The following TNS1 variants were observed in gnomAD, a reference collection of about 807,000 sequenced individuals.
TNS1 encodes tensin-1.
A neutral mutation model predicts 168.6 loss-of-function variants in TNS1; 62 were observed. The ratio of observed to expected loss-of-function variants is 0.37; its 90% CI spans 0.30 to 0.45. The LOEUF is 0.45. Among genes scored for constraint, TNS1 ranks in the 20% least tolerant of loss-of-function variants. The pLI, the probability that TNS1 is intolerant of heterozygous loss-of-function variation, is 1.00. For synonymous variants in TNS1, 934 were observed against 933.2 expected (o/e 1.00, Z -0.02); for missense variants, 2,240 against 2,339.4 (o/e 0.96, Z 0.88).
intron 18 of TNS1, among the ~76,000 whole-genome samples, chr2:217,869,798 T>A (rs1451593969): frequency 3.9e-5 from 6 of 152,184 alleles, no homozygotes; most frequent in Admixed American, 3.3e-4. Flanking sequence ...GCCCCAGGAC[T>A]CTGGTGAGGG....
chr2:217,818,276 C>A lies in TNS1; in HGVS notation c.4056G>T (p.Arg1352=). 6.2e-7 allele frequency: 1 copy of A among 1,613,316 alleles called. No homozygotes were observed. The highest frequency in any genetic ancestry group is 2.2e-5 in the East Asian group (1 of 44,834). Residue 1352 remains arginine (R), a synonymous_variant, in exon 24 of 33, where the codon CGG becomes CGT. Coordinates refer to ENST00000682258, the MANE Select transcript of TNS1 (RefSeq NM_001387777.1). The part of the protein sequence containing the change: ...ATTPGSPSLC[R]HPAGVYQVSG... ...AAACCTGGTAGACCCCTGCTGGGTG[C>A]CGACACAGGCTGGGGCTCCCCGGGG...
At chr2:217,895,673 C>T (rs1952217347) in intron 8 of TNS1, among the ~76,000 whole-genome samples, 1 of 152,144 alleles carries the variant, frequency 6.6e-6, no homozygotes, top group African/African-American at 2.4e-5. Flanking sequence ...CTTGACATAC[C>T]TCTCCCAGCA....
rs755608273 is a variant in TNS1 at position 217,818,579 on chromosome 2, G to A, written c.3753C>T (p.Pro1251=). 8.7e-6 allele frequency: 14 copies of A among 1,614,104 alleles called. No homozygotes were observed. Among genetic ancestry groups the A allele is most frequent in the Non-Finnish European group, 1.1e-5 (13 of 1,180,048 alleles). ...AGCTGAAATGCTGAAGTGAGTAGTC[G>A]GGGCTGCTGTAGCTACTGCCCACAG... The part of the protein sequence containing the change: ...LPTVGSSYSS[P]DYSLQHFSSS... The change falls in exon 24 of 33, where the codon CCC becomes CCT. Residue 1251 remains proline, a synonymous_variant. Transcript: ENST00000682258.
Position 217,813,116 on chromosome 2 carries a change from G to C in TNS1, c.4954+99C>G, listed in dbSNP as rs933514660. 2.5e-6 allele frequency: 2 copies of C among 792,200 alleles called. No individual in the cohort carries two copies. The highest frequency in any genetic ancestry group is 3.4e-5 in the African/African-American group (2 of 58,026). 49.1% of individuals were successfully genotyped at this position (792,200 alleles called of 1,614,324 possible). On this transcript the variant is annotated intron_variant, in intron 27 of 32. Coordinates refer to ENST00000682258, the MANE Select transcript of TNS1 (RefSeq NM_001387777.1). This position sits in a 1 kb window ranked among gnomAD's most constrained non-coding sequence, Gnocchi z 4.0. Reference sequence around the variant, plus strand: ...ATTTATGACAAGGGTGACTGGCAGAGCCTGTCAGAAAGAACTTGGGGTCAG... The same window carrying C: ...ATTTATGACAAGGGTGACTGGCAGACCCTGTCAGAAAGAACTTGGGGTCAG...
intron 3 of TNS1, among the ~76,000 whole-genome samples, chr2:217,941,869 A>G (rs957587613): frequency 2.6e-5 from 4 of 152,116 alleles, no homozygotes; most frequent in Non-Finnish European, 5.9e-5. Context: ...TAGACCAAAC[A>G]AAAGTTCTTT....
rs80068161 is a variant in TNS1 at position 217,812,327 on chromosome 2, T to A, written c.5032+41A>T. 1,568 of 1,569,590 alleles carry A rather than the reference T, an allele frequency of 1.0e-3. 33 individuals carry two copies. In the East Asian group the frequency reaches 0.027, roughly 27 times the overall value. On this transcript the variant is annotated intron_variant, in intron 28 of 32. Coordinates refer to ENST00000682258, the MANE Select transcript of TNS1 (RefSeq NM_001387777.1). ...GGATCAAGACATGACAAGGGCCAGC[T>A]CAAGGGTGTGGGTGGTGAGCCAGGA...
In TNS1 at chr2:217,848,231, T is replaced by C. The variant is rs1265276230; in HGVS notation, c.2286A>G (p.Gly762=). Reference sequence around the variant, plus strand: ...CCCTTTGCACAGCCTCCCGGCTGCTTCCCCCTCGGACCGGAGCTGGGGGCA... The same window carrying C: ...CCCTTTGCACAGCCTCCCGGCTGCTCCCCCCTCGGACCGGAGCTGGGGGCA... ...PQLPPAPVRG[G]SSREAVQRGL... The change falls in exon 19 of 33, where the codon GGA becomes GGG. Residue 762 remains glycine, a synonymous_variant. Transcript: ENST00000682258. 2.5e-6 allele frequency: 4 copies of C among 1,577,274 alleles called. No individual in the cohort carries two copies. Among genetic ancestry groups the C allele is most frequent in the East Asian group, 2.2e-5 (1 of 44,634 alleles).
chr2:217,863,607 T>A (rs1948996115), intron 18 of TNS1, among the ~76,000 whole-genome samples: 1 of 152,126 alleles, frequency 6.6e-6, no homozygotes, highest in Non-Finnish European at 1.5e-5. Context: ...TTCAACCCCA[T>A]CTGGGCCACT....
intron 19 of TNS1, among the ~76,000 whole-genome samples, chr2:217,838,088 A>G (rs1945412340): frequency 6.6e-6 from 1 of 152,220 alleles, no homozygotes; most frequent in Non-Finnish European, 1.5e-5. Flanking sequence ...TGGGGTTTGG[A>G]ACTCAGTTCA....
At chr2:218,001,457 G>A (rs994137232) in intron 1 of TNS1, among the ~76,000 whole-genome samples, 6 of 152,008 alleles carry the variant, frequency 3.9e-5, no homozygotes, top group Non-Finnish European at 5.9e-5. Context: ...ACAGCAGCTC[G>A]TCACCCCTGG....
At chr2:217,888,166 C>A (rs907283791) in intron 12 of TNS1, among the ~76,000 whole-genome samples, 1 of 152,206 alleles carries the variant, frequency 6.6e-6, no homozygotes, top group Non-Finnish European at 1.5e-5. Flanking sequence ...CCTGGAATAG[C>A]GGTTCCTATC....
intron 1 of TNS1, among the ~76,000 whole-genome samples, chr2:218,028,218 A>G (rs1020133960): frequency 6.6e-6 from 1 of 152,146 alleles, no homozygotes; most frequent in Non-Finnish European, 1.5e-5. Flanking sequence ...GCCATGCATG[A>G]GCTGGCCCCC....
At chr2:218,030,012 G>C (rs569735848) in intron 1 of TNS1, among the ~76,000 whole-genome samples, 1 of 152,192 alleles carries the variant, frequency 6.6e-6, no homozygotes, top group East Asian at 1.9e-4. Context: ...TCCATGTCCA[G>C]TCCTTTCTCC....
chr2:218,029,827 C>A (rs1045549874), intron 1 of TNS1, among the ~76,000 whole-genome samples: 1 of 152,166 alleles, frequency 6.6e-6, no homozygotes, highest in Non-Finnish European at 1.5e-5. Flanking sequence ...ACTCTGCATG[C>A]CAAGTATGTG....
In TNS1 at chr2:217,943,483, C is replaced by T. The variant is rs372625532; in HGVS notation, c.187-23247G>A. Among the ~76,000 whole-genome samples, 32 of 152,316 alleles carry T rather than the reference C, an allele frequency of 2.1e-4. No individual in the cohort carries two copies. In the East Asian group the frequency reaches 3.5e-3, roughly 17 times the overall value. Reference sequence around the variant, plus strand: ...CTCCCAAGCTTCCCCCTCCCTTGGTCCCTGTGTCCCTCCCTACTCCTGTAG... The same window carrying T: ...CTCCCAAGCTTCCCCCTCCCTTGGTTCCTGTGTCCCTCCCTACTCCTGTAG... On this transcript the variant is annotated intron_variant, in intron 3 of 32. Coordinates refer to ENST00000682258, the MANE Select transcript of TNS1 (RefSeq NM_001387777.1).
At chr2:217,824,559 C>T (rs1943340518) in intron 22 of TNS1, among the ~76,000 whole-genome samples, 1 of 152,240 alleles carries the variant, frequency 6.6e-6, no homozygotes, top group South Asian at 2.1e-4. Context: ...GGCAGTCTGG[C>T]CCCAACCTGC....
chr2:217,981,231 A>G (rs1441487257), intron 2 of TNS1, among the ~76,000 whole-genome samples: 1 of 152,206 alleles, frequency 6.6e-6, no homozygotes, highest in Non-Finnish European at 1.5e-5. Context: ...GGGCTCATGC[A>G]CAGTGTCTTT....
intron 9 of TNS1, among the ~76,000 whole-genome samples, chr2:217,894,797 C>A (rs943046003): frequency 6.6e-6 from 1 of 152,166 alleles, no homozygotes; most frequent in Admixed American, 6.5e-5. Flanking sequence ...AGCAGGCAGA[C>A]CTGGGTGGAA....
chr2:217,972,442 A>ACC (rs1221200326), intron 3 of TNS1, among the ~76,000 whole-genome samples: 3 of 152,242 alleles, frequency 2.0e-5, no homozygotes, highest in African/African-American at 7.2e-5. Flanking sequence ...CAGGAAAGGT[A>ACC]ATCTGCAATG....
Sources: gnomAD v4.1 joint callset for allele counts (sites outside exome capture counted in the v4.1 genomes callset) on GRCh38, gnomAD v4.1.1 for gene constraint, Gnocchi (gnomAD v3.1) non-coding constraint, MANE v1.5 for transcripts, NCBI Gene and HGNC (gene_info 2026-07-23, HGNC 2026-07-21) for gene names.